Variants in GPC6 observed in about 807,000 individuals in gnomAD.
GPC6 encodes the protein glypican-6.
In GPC6, 14 loss-of-function variants were observed where a neutral mutation model predicts 55.2. The observed-to-expected ratio is 0.25, with a 90% CI of 0.17 to 0.40. GPC6 has a LOEUF of 0.40. Ranked by LOEUF, GPC6 falls within the 10% of genes least tolerant of loss-of-function variation. The probability of loss-of-function intolerance (pLI) is 1.00; values close to 1 mark genes in which losing one functional copy is unlikely to be tolerated. For synonymous variants in GPC6, 278 were observed against 259.6 expected, an observed-to-expected ratio of 1.07 and a Z score of -0.68; for missense variants, 641 against 708.5, an observed-to-expected ratio of 0.90 and a Z score of 1.08.
intron 2 of GPC6, among the ~76,000 whole-genome samples, chr13:93,751,737 G>C (rs1354816234): frequency 1.3e-5 from 2 of 151,800 alleles, no homozygotes; most frequent in Non-Finnish European, 2.9e-5. Flanking sequence ...TCTTGCCCAG[G>C]GTGGTTTCAA....
chr13:94,224,179 G>A (rs888222003), intron 4 of GPC6, among the ~76,000 whole-genome samples: 20 of 151,508 alleles, frequency 1.3e-4, no homozygotes, highest in South Asian at 1.0e-3. Flanking sequence ...GTTCAGGCAC[G>A]AGTTATAGTG....
chr13:93,876,198 CTTCATATAATAAATG>C (rs1889289466), intron 3 of GPC6, among the ~76,000 whole-genome samples: 1 of 151,676 alleles, frequency 6.6e-6, no homozygotes, highest in Non-Finnish European at 1.5e-5. Flanking sequence ...ATAATAAATG[CTTCATATAATAAATG>C]CTTCATATAA....
intron 2 of GPC6, among the ~76,000 whole-genome samples, chr13:93,627,165 C>A (rs1436179826): frequency 6.6e-6 from 1 of 152,062 alleles, no homozygotes; most frequent in Non-Finnish European, 1.5e-5. Flanking sequence ...GCCCCCACCC[C>A]CCAATAGGCC....
chr13:93,502,634 AT>A (rs1192263141), intron 1 of GPC6, among the ~76,000 whole-genome samples: 1 of 152,100 alleles, frequency 6.6e-6, no homozygotes, highest in South Asian at 2.1e-4. Flanking sequence ...TTTCTTCAAC[AT>A]TTTTTATGCT....
chr13:94,115,314 G>T (rs1886397982), intron 4 of GPC6, among the ~76,000 whole-genome samples: 1 of 152,026 alleles, frequency 6.6e-6, no homozygotes, highest in South Asian at 2.1e-4. Flanking sequence ...AAACGCACTG[G>T]TAATGAGGTT....
intron 1 of GPC6, chr13:93,395,006 G>T: frequency 4.4e-6 from 1 of 229,388 alleles, no homozygotes; most frequent in East Asian, 1.1e-4. Flanking sequence ...TGTCACAGGG[G>T]CACAGCTTAT....
chr13:94,057,467 T>C (rs899480967), intron 4 of GPC6, among the ~76,000 whole-genome samples: 3 of 152,210 alleles, frequency 2.0e-5, no homozygotes, highest in African/African-American at 7.2e-5. Context: ...GGATTATGTT[T>C]TCCCATTTCA....
chr13:94,212,525 G>A (rs1307018746), intron 4 of GPC6, among the ~76,000 whole-genome samples: 1 of 152,138 alleles, frequency 6.6e-6, no homozygotes, highest in East Asian at 1.9e-4. Context: ...ATCACTGGGG[G>A]CATGTAACAT....
chr13:93,925,036 A>G (rs1190466995), intron 3 of GPC6, among the ~76,000 whole-genome samples: 1 of 152,224 alleles, frequency 6.6e-6, no homozygotes, highest in African/African-American at 2.4e-5. Context: ...CAACATATTT[A>G]AAAGGTTATC....
At chr13:93,904,850 T>C (rs915834855) in intron 3 of GPC6, among the ~76,000 whole-genome samples, 13 of 152,086 alleles carry the variant, frequency 8.5e-5, no homozygotes, top group African/African-American at 3.1e-4. Context: ...TATGTATACA[T>C]GTGCCATGCT....
intron 1 of GPC6, among the ~76,000 whole-genome samples, chr13:93,235,029 A>T (rs919528929): frequency 6.6e-6 from 1 of 152,200 alleles, no homozygotes; most frequent in Non-Finnish European, 1.5e-5. Context: ...AAAAAACTTC[A>T]AATTTTTTAC....
At position 93,434,976 on chromosome 13, in the gene GPC6, A is replaced by C. The variant is rs546662567; in HGVS notation, c.161-110287A>C. Among the ~76,000 whole-genome samples the C allele has an allele frequency of 1.3e-4, 20 of 152,330 alleles. No individual in the cohort carries two copies. In the South Asian group the frequency reaches 4.1e-3, roughly 32 times the overall value. Reference sequence around the variant, plus strand: ...TGCCTTGGCCTCCCAAAGTGCTGGGATTACAGGTGTGAGCCACTATGCCCA... The same window carrying C: ...TGCCTTGGCCTCCCAAAGTGCTGGGCTTACAGGTGTGAGCCACTATGCCCA... On this transcript the variant is annotated intron_variant, in intron 1 of 8. Transcript: ENST00000377047.
chr13:93,932,174 T>C (rs1051881330), intron 3 of GPC6, among the ~76,000 whole-genome samples: 2 of 152,254 alleles, frequency 1.3e-5, no homozygotes, highest in Non-Finnish European at 2.9e-5. Context: ...TTAATCATAA[T>C]GCTAAAAAGA....
intron 4 of GPC6, among the ~76,000 whole-genome samples, chr13:94,165,327 G>T (rs1404726560): frequency 6.6e-6 from 1 of 150,508 alleles, no homozygotes; most frequent in African/African-American, 2.4e-5. Flanking sequence ...AAAAAGGAAT[G>T]AATATGGCAT....
At chr13:93,904,548 G>A (rs1240580895) in intron 3 of GPC6, among the ~76,000 whole-genome samples, 4 of 152,036 alleles carry the variant, frequency 2.6e-5, no homozygotes. Context: ...CCACCAGCCT[G>A]AGCAATATAG....
At chr13:93,979,126 A>G (rs539200592) in intron 3 of GPC6, among the ~76,000 whole-genome samples, 1 of 152,222 alleles carries the variant, frequency 6.6e-6, no homozygotes, top group African/African-American at 2.4e-5. Context: ...GATGAGGGAA[A>G]TATTATGTAT....
At chr13:94,228,401 T>G (rs1274055028) in intron 4 of GPC6, among the ~76,000 whole-genome samples, 1 of 152,092 alleles carries the variant, frequency 6.6e-6, no homozygotes, top group East Asian at 1.9e-4. Flanking sequence ...AATTGAAACT[T>G]TATGAAGAAG....
At chr13:93,921,775 A>G (rs1224885967) in intron 3 of GPC6, among the ~76,000 whole-genome samples, 1 of 151,804 alleles carries the variant, frequency 6.6e-6, no homozygotes, top group Non-Finnish European at 1.5e-5. Flanking sequence ...GTTTCCATTT[A>G]GAGCCATTTA....
At chr13:94,129,526 G>A (rs1447803682) in intron 4 of GPC6, among the ~76,000 whole-genome samples, 1 of 152,056 alleles carries the variant, frequency 6.6e-6, no homozygotes, top group African/African-American at 2.4e-5. Context: ...CTGTGGTTCT[G>A]CCTCCCACTC....
Sources: gnomAD v4.1 joint callset for allele counts (sites outside exome capture counted in the v4.1 genomes callset) on GRCh38, gnomAD v4.1.1 for gene constraint, MANE v1.5 for transcripts, NCBI Gene and HGNC (gene_info 2026-07-23, HGNC 2026-07-21) for gene names.